Variants in CFAP20DC observed in about 807,000 individuals in gnomAD.
CFAP20DC encodes CFAP20 domain containing.
CFAP20DC carries 84 observed loss-of-function variants against 101.7 expected under a neutral mutation model. The observed-to-expected ratio is 0.83, with a 90% confidence interval of 0.69 to 0.99. CFAP20DC has a LOEUF of 0.99. Ranked by LOEUF, CFAP20DC falls within the 50% of genes least tolerant of loss-of-function variation. The pLI is 0.00. For missense variants in CFAP20DC, 1,007 were observed against 970.3 expected, an observed-to-expected ratio of 1.04 and a Z score of -0.50; for synonymous variants, 359 against 351.2, an observed-to-expected ratio of 1.02 and a Z score of -0.25.
At chr3:58,821,939 T>C (rs1296549828) in intron 14 of CFAP20DC, among the ~76,000 whole-genome samples, 1 of 139,384 alleles carries the variant, frequency 7.2e-6, no homozygotes, top group Non-Finnish European at 1.5e-5. Context: ...ATGTGGCACA[T>C]ATACACCATG....
At chr3:58,858,051 C>T (rs182906794) in intron 12 of CFAP20DC, among the ~76,000 whole-genome samples, 1 of 152,106 alleles carries the variant, frequency 6.6e-6, no homozygotes, top group Non-Finnish European at 1.5e-5. Flanking sequence ...TTTAGTTTAT[C>T]ATTTAGCTAC....
chr3:58,939,200 C>A (rs926650420), intron 4 of CFAP20DC, among the ~76,000 whole-genome samples: 6 of 152,088 alleles, frequency 3.9e-5, no homozygotes, highest in Non-Finnish European at 7.3e-5. Flanking sequence ...TAAATAAATG[C>A]CCCTATATGG....
chr3:58,820,197 G>GA lies in CFAP20DC; in HGVS notation c.2175+11488dup, dbSNP rs1327080846. 4.6e-5 allele frequency among the ~76,000 whole-genome samples: 7 copies of GA among 150,924 alleles called. No homozygotes were observed. The East Asian group carries it at 1.4e-3, about 30-fold the overall frequency. ...CCACAGCCAATATCATACTGAATGG[G>GA]AAAAAACTGGAAGCATTCCCTTTGA... On this transcript the variant is annotated intron_variant, in intron 14 of 16. Coordinates refer to ENST00000482387, the MANE Select transcript of CFAP20DC (RefSeq NM_001394063.1).
chr3:58,731,888 C>T (rs2067653165), intron 3 of CFAP20DC, among the ~76,000 whole-genome samples: 1 of 152,150 alleles, frequency 6.6e-6, no homozygotes, highest in African/African-American at 2.4e-5. Context: ...ATAGTGCCAC[C>T]AACAGTTAAG....
Position 58,863,753 on chromosome 3 carries a change from C to T in CFAP20DC, c.1398G>A (p.Gln466=), listed in dbSNP as rs147935364. 1.9e-6 allele frequency: 3 copies of T among 1,614,180 alleles called. No individual in the cohort carries two copies. Among genetic ancestry groups the T allele is most frequent in the Non-Finnish European group, 2.5e-6 (3 of 1,180,044 alleles). The change falls in exon 12 of 17, where the codon CAG becomes CAA. Residue 466 remains glutamine (Q), a synonymous_variant. Coordinates refer to ENST00000482387, the MANE Select transcript of CFAP20DC (RefSeq NM_001394063.1). The surrounding 1 kb of genome is among the most constrained non-coding windows in gnomAD (Gnocchi z 5.9). ...TTGGAACACTCTGGGATTCCTCTGC[C>T]TGCTGGTCGTGTTCACTCTCTTTGC... ...EASKESEHDQ[Q]AEESQSVPKD...
At chr3:58,839,706 A>G (rs2076970387) in intron 13 of CFAP20DC, among the ~76,000 whole-genome samples, 1 of 152,050 alleles carries the variant, frequency 6.6e-6, no homozygotes, top group Non-Finnish European at 1.5e-5. Context: ...TAAACAGCCA[A>G]CTCATACTTC....
chr3:58,846,727 A>T (rs1394783437), intron 13 of CFAP20DC, among the ~76,000 whole-genome samples: 5 of 150,110 alleles, frequency 3.3e-5, no homozygotes, highest in Non-Finnish European at 5.9e-5. Context: ...AGCCAAAAGA[A>T]CAAAGCTGGA....
intron 15 of CFAP20DC, 99 bp downstream of exon 15, chr3:58,806,296 T>C (rs1371804085): frequency 5.0e-6 from 4 of 800,092 alleles, no homozygotes; most frequent in Non-Finnish European, 6.3e-6. Context: ...GTTTGGAAGC[T>C]AGAAGTTTTG....
intron 16 of CFAP20DC, among the ~76,000 whole-genome samples, chr3:58,751,488 C>A (rs1334602124): frequency 6.6e-6 from 1 of 152,102 alleles, no homozygotes; most frequent in Non-Finnish European, 1.5e-5. Context: ...TCATTTCTAA[C>A]AAGCATGGGT....
chr3:58,911,766 G>A (rs1337919667), intron 6 of CFAP20DC, among the ~76,000 whole-genome samples: 1 of 152,016 alleles, frequency 6.6e-6, no homozygotes, highest in Non-Finnish European at 1.5e-5. Flanking sequence ...TCTATCAAGT[G>A]CCTGATGCAC....
chr3:58,845,693 G>A (rs900401518), intron 13 of CFAP20DC, among the ~76,000 whole-genome samples: 13 of 151,620 alleles, frequency 8.6e-5, no homozygotes, highest in African/African-American at 2.2e-4. Flanking sequence ...TACCAAAGCC[G>A]GGCAGAGACA....
intron 14 of CFAP20DC, among the ~76,000 whole-genome samples, chr3:58,817,872 G>A (rs1406557922): frequency 6.6e-6 from 1 of 150,986 alleles, no homozygotes. Flanking sequence ...AGGAAAAAAT[G>A]TTAAGGGCAG....
At chr3:58,761,217 G>A (rs1239515101) in intron 15 of CFAP20DC, among the ~76,000 whole-genome samples, 2 of 152,160 alleles carry the variant, frequency 1.3e-5, no homozygotes, top group Admixed American at 6.5e-5. Context: ...TTCAGAGCCT[G>A]TCATTGGTCT....
chr3:58,968,359 C>T (rs1283459423), intron 4 of CFAP20DC, among the ~76,000 whole-genome samples: 1 of 152,160 alleles, frequency 6.6e-6, no homozygotes, highest in Non-Finnish European at 1.5e-5. Flanking sequence ...TTCTCCACAA[C>T]CTTGCCAGCA....
At chr3:58,916,857 G>A (rs561359515) in intron 5 of CFAP20DC, among the ~76,000 whole-genome samples, 8 of 152,260 alleles carry the variant, frequency 5.3e-5, no homozygotes, top group African/African-American at 1.7e-4. Context: ...AAGTATTGGA[G>A]AAGTGTATAA....
chr3:58,731,706 A>G (rs549273486), intron 3 of CFAP20DC, among the ~76,000 whole-genome samples: 3 of 152,364 alleles, frequency 2.0e-5, no homozygotes, highest in African/African-American at 7.2e-5. Context: ...AGGGCTTTTA[A>G]AAAATATAGA....
intron 6 of CFAP20DC, among the ~76,000 whole-genome samples, chr3:58,910,699 C>T (rs536979713): frequency 3.9e-5 from 6 of 152,010 alleles, no homozygotes; most frequent in Middle Eastern, 3.4e-3. Flanking sequence ...TTCTGGAATC[C>T]TTTTACTCTG....
At chr3:58,823,735 A>T (rs1431154065) in intron 14 of CFAP20DC, among the ~76,000 whole-genome samples, 1 of 152,136 alleles carries the variant, frequency 6.6e-6, no homozygotes, top group Non-Finnish European at 1.5e-5. Context: ...TAAGTTTTTG[A>T]ATAACAAAAT....
intron 4 of CFAP20DC, among the ~76,000 whole-genome samples, chr3:58,940,464 T>G (rs542106042): frequency 6.6e-6 from 1 of 152,348 alleles, no homozygotes; most frequent in Admixed American, 6.5e-5. Context: ...TTGTATGACA[T>G]AGGGGTTGGA....
Sources: allele counts gnomAD v4.1 joint callset (sites outside exome capture counted in the v4.1 genomes callset), GRCh38; gene constraint gnomAD v4.1.1; non-coding constraint Gnocchi (gnomAD v3.1); transcripts MANE v1.5; gene names NCBI Gene and HGNC (gene_info 2026-07-23, HGNC 2026-07-21).